Variants in BABAM2 observed in about 807,000 individuals in gnomAD.
The protein encoded by BABAM2 is BRISC and BRCA1 A complex member 2.
BABAM2 carries 31 observed loss-of-function variants against 54.7 expected under a neutral mutation model. The ratio of observed to expected loss-of-function variants is 0.57; its 90% CI spans 0.43 to 0.77. BABAM2 has a LOEUF of 0.77. Ranked by LOEUF, BABAM2 falls within the 30% of genes least tolerant of loss-of-function variation. The pLI is 0.00. For synonymous variants in BABAM2, 167 were observed against 162.9 expected (o/e 1.03, Z -0.19); for missense variants, 364 against 455.8 (o/e 0.80, Z 1.83).
At chr2:28,189,355 G>A (rs1246461659) in intron 7 of BABAM2, among the ~76,000 whole-genome samples, 1 of 152,170 alleles carries the variant, frequency 6.6e-6, no homozygotes, top group South Asian at 2.1e-4. Context: ...GAATACAGCA[G>A]CATATAAAAA....
chr2:28,120,488 G>C (rs1014668363), intron 6 of BABAM2, among the ~76,000 whole-genome samples: 1 of 152,106 alleles, frequency 6.6e-6, no homozygotes, highest in South Asian at 2.1e-4. Context: ...AGCATACATG[G>C]GTTCAAAACT....
chr2:28,184,791 A>T (rs1202411037), intron 7 of BABAM2, among the ~76,000 whole-genome samples: 1 of 152,214 alleles, frequency 6.6e-6, no homozygotes, highest in African/African-American at 2.4e-5. Context: ...ATACATGTGC[A>T]TGTGTCTTTA....
At chr2:28,301,564 A>G (rs1249442964) in intron 11 of BABAM2, among the ~76,000 whole-genome samples, 1 of 152,154 alleles carries the variant, frequency 6.6e-6, no homozygotes, top group Non-Finnish European at 1.5e-5. Context: ...GCAAGTTAAC[A>G]CTTGGAAGAC....
rs184496122 is a variant in BABAM2 at position 28,277,096 on chromosome 2, G to A, written c.935-21242G>A. 4.6e-5 allele frequency among the ~76,000 whole-genome samples: 7 copies of A among 152,188 alleles called. No homozygotes were observed. In the East Asian group the frequency reaches 1.2e-3, roughly 25 times the overall value. On this transcript the variant is annotated intron_variant, in intron 10 of 11. Transcript: ENST00000379624. ...CCTGTTTGGAGTTAAGCCTCAGAAC[G>A]TAACCTGTCCATTTATTCATTTATT...
intron 7 of BABAM2, among the ~76,000 whole-genome samples, chr2:28,188,482 T>C (rs981377841): frequency 6.6e-6 from 1 of 152,208 alleles, no homozygotes; most frequent in African/African-American, 2.4e-5. Context: ...CTGAAAATAA[T>C]TCTTGGATAT....
At chr2:27,965,596 A>T (rs1325020354) in intron 3 of BABAM2, among the ~76,000 whole-genome samples, 3 of 152,188 alleles carry the variant, frequency 2.0e-5, no homozygotes, top group Non-Finnish European at 4.4e-5. Flanking sequence ...AAAAAAAATC[A>T]ATGCTAATCC....
intron 6 of BABAM2, among the ~76,000 whole-genome samples, chr2:28,076,069 G>A (rs2148665293): frequency 6.6e-6 from 1 of 152,144 alleles, no homozygotes; most frequent in Admixed American, 6.5e-5. Context: ...TTAGAGAGCA[G>A]CCTGTGCAAC....
At chr2:28,058,141 C>CA (rs577500237) in intron 6 of BABAM2, among the ~76,000 whole-genome samples, 6,472 of 133,168 alleles carry the variant, frequency 0.049, 163 homozygotes, top group South Asian at 0.12. Context: ...GAGACTGTCT[C>CA]AAAAAAAAAA....
At chr2:28,058,241 G>T (rs958640492) in intron 6 of BABAM2, among the ~76,000 whole-genome samples, 5 of 152,128 alleles carry the variant, frequency 3.3e-5, no homozygotes, top group African/African-American at 1.2e-4. Flanking sequence ...TGGCTAAAAC[G>T]TAGAACTTGT....
chr2:28,244,969 A>G (rs1682782926), intron 10 of BABAM2, 107 bp downstream of exon 10: 1 of 865,350 alleles, frequency 1.2e-6, no homozygotes, highest in South Asian at 1.7e-5. Context: ...GGTTCCTTTT[A>G]CTGTAGCGTA....
chr2:28,026,885 T>TATAAATATATATAAATATATATAA (rs1675809243), intron 5 of BABAM2, among the ~76,000 whole-genome samples: 1 of 40,276 alleles, frequency 2.5e-5, no homozygotes, highest in Non-Finnish European at 4.6e-5. Context: ...TATATATATA[T>TATAAATATATATAAATATATATAA]AGATATATAT....
intron 2 of BABAM2, among the ~76,000 whole-genome samples, chr2:27,918,391 A>G (rs1286767301): frequency 6.6e-6 from 1 of 152,158 alleles, no homozygotes; most frequent in African/African-American, 2.4e-5. Flanking sequence ...AGATGTATCC[A>G]TGTTGTAGCA....
At chr2:27,986,965 C>G (rs534532494) in intron 3 of BABAM2, among the ~76,000 whole-genome samples, 1 of 152,258 alleles carries the variant, frequency 6.6e-6, no homozygotes, top group African/African-American at 2.4e-5. Flanking sequence ...AGAAAAGAAA[C>G]AGGTAGAAGA....
intron 7 of BABAM2, among the ~76,000 whole-genome samples, chr2:28,197,350 G>T (rs568869426): frequency 1.3e-5 from 2 of 152,298 alleles, no homozygotes; most frequent in East Asian, 3.9e-4. Context: ...GCAGCTAATA[G>T]TATTTAACTT....
At chr2:28,025,486 C>T (rs553745253) in intron 5 of BABAM2, 66 bp downstream of exon 5, 1 of 1,386,552 alleles carries the variant, frequency 7.2e-7, no homozygotes, top group East Asian at 2.5e-5. Context: ...ATTCATATGT[C>T]CATTTGTAAA....
At chr2:27,894,883 C>A in intron 2 of BABAM2, 199 bp downstream of exon 2, 2 of 555,682 alleles carry the variant, frequency 3.6e-6, no homozygotes, top group East Asian at 6.3e-5. Context: ...TGTTGTGGAC[C>A]ATTGTTTTAT....
intron 6 of BABAM2, among the ~76,000 whole-genome samples, chr2:28,053,411 A>G (rs1678147389): frequency 6.6e-6 from 1 of 152,224 alleles, no homozygotes; most frequent in Non-Finnish European, 1.5e-5. Flanking sequence ...CTTAAAGGAA[A>G]TAATTTCTGT....
At chr2:28,300,134 T>G (rs1466482893) in intron 11 of BABAM2, among the ~76,000 whole-genome samples, 2 of 152,102 alleles carry the variant, frequency 1.3e-5, no homozygotes, top group African/African-American at 4.8e-5. Context: ...AGATGGGGTT[T>G]TGCTATGTTG....
At chr2:28,129,122 T>G in intron 6 of BABAM2, 149 bp from the exon 7 acceptor site, 1 of 697,512 alleles carries the variant, frequency 1.4e-6, no homozygotes, top group Non-Finnish European at 2.5e-6. Flanking sequence ...AGTGGGTAGG[T>G]GTGTGGAAAG....
Sources: allele counts gnomAD v4.1 joint callset (sites outside exome capture counted in the v4.1 genomes callset), GRCh38; gene constraint gnomAD v4.1.1; transcripts MANE v1.5; gene names NCBI Gene and HGNC (gene_info 2026-07-23, HGNC 2026-07-21).